MTMR7: variants seen among roughly 807,000 people sequenced by gnomAD.
MTMR7 encodes the protein phosphatidylinositol-3-phosphate phosphatase MTMR7.
A neutral mutation model predicts 81.2 loss-of-function variants in MTMR7; 76 were observed. That is an observed-to-expected ratio of 0.94 (90% confidence interval 0.78 to 1.13). MTMR7 has a LOEUF of 1.13. Among genes scored for constraint, MTMR7 ranks in the 50% most tolerant of loss-of-function variants. The pLI is 0.00. For missense variants in MTMR7, 1,044 were observed against 820.0 expected, an observed-to-expected ratio of 1.27 and a Z score of -3.34; for synonymous variants, 372 against 289.8, an observed-to-expected ratio of 1.28 and a Z score of -2.88.
intron 7 of MTMR7, among the ~76,000 whole-genome samples, chr8:17,325,765 CT>C (rs1391990095): frequency 6.9e-6 from 1 of 144,410 alleles, no homozygotes; most frequent in African/African-American, 2.8e-5. Context: ...GAGACAAACA[CT>C]TCTGAAACTG....
intron 9 of MTMR7, among the ~76,000 whole-genome samples, chr8:17,310,089 C>G (rs548438604): frequency 6.6e-6 from 1 of 152,238 alleles, no homozygotes; most frequent in South Asian, 2.1e-4. Flanking sequence ...CACCCTTGAC[C>G]TCCTGAGCTC....
intron 3 of MTMR7, among the ~76,000 whole-genome samples, chr8:17,363,998 C>T (rs1417818382): frequency 8.5e-5 from 8 of 94,446 alleles, no homozygotes; most frequent in Admixed American, 2.3e-4. Flanking sequence ...TCATATATTT[C>T]TGGGGTAAAA....
chr8:17,409,342 C>T (rs1821678948), intron 1 of MTMR7, among the ~76,000 whole-genome samples: 1 of 151,978 alleles, frequency 6.6e-6, no homozygotes, highest in Non-Finnish European at 1.5e-5. Context: ...TGCTTGTAGC[C>T]CCAGCTACTC....
At position 17,327,747 on chromosome 8, in the gene MTMR7, T is replaced by C. The variant is rs150493821; in HGVS notation, c.865+3403A>G. Among the ~76,000 whole-genome samples, 1,040 of 152,340 alleles carry C rather than the reference T, an allele frequency of 6.8e-3. 10 individuals are homozygous for C. Among genetic ancestry groups the C allele is most frequent in the African/African-American group, 0.022 (904 of 41,568 alleles). On this transcript the variant is annotated intron_variant, in intron 7 of 13. Coordinates refer to ENST00000180173, the MANE Select transcript of MTMR7 (RefSeq NM_004686.5). ...TAGTTTTACCACATTCTTTTGAGTATTGAATATCTTAATTTGTAAAAAATT... is the reference window on the plus strand; with the variant it reads ...TAGTTTTACCACATTCTTTTGAGTACTGAATATCTTAATTTGTAAAAAATT...
intron 1 of MTMR7, among the ~76,000 whole-genome samples, chr8:17,383,084 G>A (rs1452868946): frequency 6.6e-6 from 1 of 151,824 alleles, no homozygotes; most frequent in Non-Finnish European, 1.5e-5. Context: ...TCCACCACCT[G>A]GGGGGTGTGG....
intron 7 of MTMR7, among the ~76,000 whole-genome samples, chr8:17,321,816 A>G (rs917437809): frequency 9.9e-5 from 15 of 152,238 alleles, no homozygotes; most frequent in African/African-American, 3.4e-4. Flanking sequence ...TTTGTTTTAT[A>G]TAAAAGGACA....
chr8:17,384,069 A>T (rs1820849520), intron 1 of MTMR7, among the ~76,000 whole-genome samples: 1 of 152,204 alleles, frequency 6.6e-6, no homozygotes, highest in African/African-American at 2.4e-5. Context: ...AACTAACTGC[A>T]TGTGTGAGAG....
rs1463665657 is a variant in MTMR7, at chr8:17,352,100, A to G, written c.469-3019T>C. On this transcript the variant is annotated intron_variant, in intron 4 of 13. Coordinates refer to ENST00000180173, the MANE Select transcript of MTMR7 (RefSeq NM_004686.5). ...CAGAAGTAGAAAAATTCATCCTAAA[A>G]TTTACATGGATTCTCCAGGGACCCC... Among the ~76,000 whole-genome samples, 5 of 152,188 alleles carry G rather than the reference A, an allele frequency of 3.3e-5. No homozygotes were observed. The East Asian group carries it at 9.6e-4, about 29-fold the overall frequency.
At position 17,313,184 on chromosome 8, in the gene MTMR7, C is replaced by G. The variant is rs1426447802; in HGVS notation, c.975+108G>C. 3 of 702,204 alleles carry G rather than the reference C, an allele frequency of 4.3e-6. No individual in the cohort carries two copies. In the African/African-American group the frequency reaches 5.3e-5, roughly 12 times the overall value. The allele number at this position is 702,204 out of a possible 1,614,324, so 43.5% of individuals were successfully genotyped here. A position where few individuals can be genotyped will look rare whatever the true frequency, so the allele number is the denominator to read the frequency against. ...AGCTCTACAAAGCTGGCTATCCAGT[C>G]AGTGCAGTGCAGCTTAAGACAGGGA... On this transcript the variant is annotated intron_variant, in intron 8 of 13. Coordinates refer to ENST00000180173, the MANE Select transcript of MTMR7 (RefSeq NM_004686.5).
At chr8:17,333,439 T>A (rs562929360) in intron 6 of MTMR7, among the ~76,000 whole-genome samples, 1 of 152,242 alleles carries the variant, frequency 6.6e-6, no homozygotes, top group Admixed American at 6.5e-5. Flanking sequence ...ATAAAATTAA[T>A]AGGAGATTTG....
In MTMR7 at chr8:17,302,219, C is replaced by A; in HGVS notation, c.1555G>T (p.Asp519Tyr). 1 of 1,614,104 alleles carries A rather than the reference C, an allele frequency of 6.2e-7. No homozygotes were observed. Among genetic ancestry groups the A allele is most frequent in the Non-Finnish European group, 8.5e-7 (1 of 1,179,972 alleles). ...KGMQPRQSVT[D>Y]YLMAVKEETQ... The stretch of plus-strand genomic sequence containing the variant: ...TCTTCCTTCACTGCCATTAGGTAAT[C>A]TGTAACTGACTGTCGGGGCTGCATC... The change falls in exon 13 of 14, where the codon GAT (aspartate) becomes TAT (tyrosine). Residue 519 changes from aspartate (D) to tyrosine (Y), a missense_variant. By Grantham distance (160) the Asp-to-Tyr change is radical. Coordinates refer to ENST00000180173, the MANE Select transcript of MTMR7 (RefSeq NM_004686.5).
At chr8:17,404,508 A>G (rs1454133756) in intron 1 of MTMR7, among the ~76,000 whole-genome samples, 1 of 152,160 alleles carries the variant, frequency 6.6e-6, no homozygotes, top group African/African-American at 2.4e-5. Flanking sequence ...CTATTATTGT[A>G]TTGCTCTTGT....
Position 17,381,459 on chromosome 8 carries a change from A to G in MTMR7, c.25-8219T>C, listed in dbSNP as rs563925505. 8.5e-5 allele frequency among the ~76,000 whole-genome samples: 13 copies of G among 152,148 alleles called. No individual in the cohort carries two copies. The South Asian group carries it at 2.5e-3, about 29-fold the overall frequency. On this transcript the variant is annotated intron_variant, in intron 1 of 13. Coordinates refer to ENST00000180173, the MANE Select transcript of MTMR7 (RefSeq NM_004686.5). ...ATCTTAGTAGAATGTGGGTCTTTCT[A>G]TCCTGCAGGTCAAATATTGAAGTGC...
rs902161286 is a variant in MTMR7, at chr8:17,299,772, A to G, written c.*90T>C. On this transcript the variant is annotated 3_prime_UTR_variant, in exon 14 of 14. Transcript: ENST00000180173. ...AAAGTAGTTCTCAATGACATGCACC[A>G]TTTCCTGTTTTTACAATAAACCACC... 28 of 1,534,204 alleles carry G rather than the reference A, an allele frequency of 1.8e-5. No individual in the cohort carries two copies. The highest frequency in any genetic ancestry group is 2.4e-5 in the Non-Finnish European group (27 of 1,135,216).
intron 4 of MTMR7, among the ~76,000 whole-genome samples, chr8:17,351,861 C>T (rs1179006863): frequency 6.6e-6 from 1 of 152,182 alleles, no homozygotes; most frequent in Non-Finnish European, 1.5e-5. Flanking sequence ...GGATATTTGT[C>T]CTGCTTTCAT....
intron 4 of MTMR7, among the ~76,000 whole-genome samples, chr8:17,358,941 C>G (rs892742936): frequency 6.6e-6 from 1 of 152,192 alleles, no homozygotes; most frequent in Non-Finnish European, 1.5e-5. Context: ...GTTGCCCAAG[C>G]TAGAGTGCAT....
intron 7 of MTMR7, among the ~76,000 whole-genome samples, chr8:17,314,632 GTAGT>G (rs2150494111): frequency 6.6e-6 from 1 of 152,296 alleles, no homozygotes; most frequent in African/African-American, 2.4e-5. Context: ...AAAAGCACAA[GTAGT>G]TAAATTCTGA....
Position 17,305,661 on chromosome 8 carries a change from G to GA in MTMR7, c.1352+95dup, listed in dbSNP as rs1167511487. 3.6e-6 allele frequency: 4 copies of GA among 1,101,498 alleles called. No homozygotes were observed. In the East Asian group the frequency reaches 7.3e-5, roughly 20 times the overall value. The allele number at this position is 1,101,498 out of a possible 1,614,324, so 68.2% of individuals were successfully genotyped here. A position where few individuals can be genotyped will look rare whatever the true frequency, so the allele number is the denominator to read the frequency against. On this transcript the variant is annotated intron_variant, in intron 11 of 13. Transcript: ENST00000180173. ...TGTCAGTATAGGTATGTGACTAAAT[G>GA]AAAAAAGTCTTCAAAATTATGAAAG...
chr8:17,308,802 G>A (rs1251990157), intron 10 of MTMR7, among the ~76,000 whole-genome samples: 1 of 152,154 alleles, frequency 6.6e-6, no homozygotes, highest in African/African-American at 2.4e-5. Flanking sequence ...CCTGGATCTG[G>A]AGTTGGATAT....
Sources: gnomAD v4.1 joint callset for allele counts (sites outside exome capture counted in the v4.1 genomes callset) on GRCh38, gnomAD v4.1.1 for gene constraint, MANE v1.5 for transcripts, NCBI Gene and HGNC (gene_info 2026-07-23, HGNC 2026-07-21) for gene names.